Variants in HMGB1 observed in about 807,000 individuals in gnomAD.
The protein encoded by HMGB1 is high mobility group protein B1.
For synonymous variants in HMGB1, 81 were observed against 84.0 expected (o/e 0.96, Z 0.19); for missense variants, 79 against 253.5 (o/e 0.31, Z 4.67).
chr13:30,585,197 C>T (rs534739101), intron 1 of HMGB1, among the ~76,000 whole-genome samples: 9 of 151,720 alleles, frequency 5.9e-5, no homozygotes, highest in Non-Finnish European at 1.3e-4. Flanking sequence ...CCTGTAGTCC[C>T]AGCTACTCAG....
chr13:30,583,826 A>AC (rs1491194790), intron 1 of HMGB1, among the ~76,000 whole-genome samples: 24 of 79,280 alleles, frequency 3.0e-4, no homozygotes, highest in Non-Finnish European at 2.1e-4. Context: ...ACTCTGTCTC[A>AC]AAAAAAAAAA....
At chr13:30,565,911 C>A (rs1288500660) in intron 1 of HMGB1, among the ~76,000 whole-genome samples, 1 of 152,170 alleles carries the variant, frequency 6.6e-6, no homozygotes, top group Non-Finnish European at 1.5e-5. Flanking sequence ...TTTCCAGGAC[C>A]ACAACCCTTG....
intron 1 of HMGB1, among the ~76,000 whole-genome samples, chr13:30,544,575 A>T (rs1323686834): frequency 6.6e-6 from 1 of 152,154 alleles, no homozygotes; most frequent in Non-Finnish European, 1.5e-5. Flanking sequence ...ACAGCTGAAA[A>T]CGTGGAGGTT....
At chr13:30,492,881 C>T (rs923535425) in intron 1 of HMGB1, among the ~76,000 whole-genome samples, 3 of 150,774 alleles carry the variant, frequency 2.0e-5, no homozygotes, top group Middle Eastern at 3.4e-3. Flanking sequence ...GTCCCAGCTA[C>T]TCAGGAGCCT....
At chr13:30,600,518 C>T (rs1449621380) in intron 1 of HMGB1, among the ~76,000 whole-genome samples, 3 of 152,098 alleles carry the variant, frequency 2.0e-5, no homozygotes, top group African/African-American at 4.8e-5. Context: ...ATCAAGTATT[C>T]TGCTAGATAT....
chr13:30,522,449 C>T (rs1048553345), intron 1 of HMGB1, among the ~76,000 whole-genome samples: 6 of 151,990 alleles, frequency 3.9e-5, no homozygotes, highest in South Asian at 4.2e-4. Flanking sequence ...TTTACCCCTC[C>T]GGGCTGTTCC....
intron 1 of HMGB1, among the ~76,000 whole-genome samples, chr13:30,600,193 C>G (rs1225097640): frequency 6.6e-6 from 1 of 152,188 alleles, no homozygotes; most frequent in African/African-American, 2.4e-5. Context: ...CAATTTATTT[C>G]CCCTGAAAAT....
rs575127233 is a variant in HMGB1, at chr13:30,582,582, G to A, written c.-15+34089C>T. The stretch of plus-strand genomic sequence containing the variant: ...GAACCCGGGAGGTGGAGGTTGCAGT[G>A]AGCTGAGATCGTGCCACTGCACTCC... On this transcript the variant is annotated intron_variant, in intron 1 of 4. Coordinates refer to the HMGB1 transcript ENST00000405805. Among the ~76,000 whole-genome samples the A allele has an allele frequency of 2.6e-5, 4 of 151,974 alleles. No homozygotes were observed. The East Asian group carries it at 5.8e-4, about 22-fold the overall frequency.
At chr13:30,557,997 T>C (rs1869762261) in intron 1 of HMGB1, among the ~76,000 whole-genome samples, 1 of 152,152 alleles carries the variant, frequency 6.6e-6, no homozygotes. Context: ...GCATCTCTTG[T>C]GTATGCCTGA....
chr13:30,487,923 TA>T (rs1165832732), intron 1 of HMGB1, among the ~76,000 whole-genome samples: 5 of 152,034 alleles, frequency 3.3e-5, no homozygotes, highest in Non-Finnish European at 5.9e-5. Context: ...GGCATTGGTT[TA>T]AAAAAAATTC....
rs1313623772 is a variant in HMGB1, at chr13:30,457,330, C to T, written c.*4027G>A. The T allele has an allele frequency of 6.6e-6, 1 of 152,166 alleles. No homozygotes were observed. The highest frequency in any genetic ancestry group is 2.4e-5 in the African/African-American group (1 of 41,410). 9.4% of individuals were successfully genotyped at this position (152,166 alleles called of 1,614,324 possible). A position where few individuals can be genotyped will look rare whatever the true frequency, so the allele number is the denominator to read the frequency against. On this transcript the variant is annotated 3_prime_UTR_variant, in exon 5 of 5. Transcript: ENST00000341423. ...TTTCTGGATTCCAGAGTCTGCATACCCTTGCCCACCACTGCTCATGCTCAC... is the reference window on the plus strand; with the variant it reads ...TTTCTGGATTCCAGAGTCTGCATACTCTTGCCCACCACTGCTCATGCTCAC...
At chr13:30,547,786 A>G (rs1377693029) in intron 1 of HMGB1, among the ~76,000 whole-genome samples, 4 of 152,114 alleles carry the variant, frequency 2.6e-5, no homozygotes, top group East Asian at 1.9e-4. Flanking sequence ...GCGTGGTGGC[A>G]CACACTTGTG....
intron 1 of HMGB1, among the ~76,000 whole-genome samples, chr13:30,592,303 T>C (rs1871404891): frequency 6.6e-6 from 1 of 152,206 alleles, no homozygotes; most frequent in Non-Finnish European, 1.5e-5. Flanking sequence ...ATTTAGTTAC[T>C]GTATTAAGAA....
chr13:30,561,939 A>G (rs1380175872), intron 1 of HMGB1, among the ~76,000 whole-genome samples: 1 of 152,198 alleles, frequency 6.6e-6, no homozygotes, highest in Non-Finnish European at 1.5e-5. Context: ...CCAACTTCTG[A>G]GTGAATGTGG....
intron 1 of HMGB1, among the ~76,000 whole-genome samples, chr13:30,532,205 T>G (rs529077864): frequency 6.7e-6 from 1 of 150,192 alleles, no homozygotes; most frequent in East Asian, 2.0e-4. Flanking sequence ...CATGGTGGTG[T>G]GCACCTGTAA....
At chr13:30,613,300 G>A (rs1446621712) in intron 1 of HMGB1, among the ~76,000 whole-genome samples, 1 of 152,086 alleles carries the variant, frequency 6.6e-6, no homozygotes, top group Non-Finnish European at 1.5e-5. Context: ...TGGGATTAGA[G>A]GTGTGAGCCA....
chr13:30,575,606 C>T (rs542413845), intron 1 of HMGB1, among the ~76,000 whole-genome samples: 1 of 152,100 alleles, frequency 6.6e-6, no homozygotes, highest in South Asian at 2.1e-4. Context: ...GTAAAAGAAC[C>T]CACTCCTCTC....
chr13:30,498,626 AATTATT>A (rs71192659), intron 1 of HMGB1, among the ~76,000 whole-genome samples: 25,518 of 143,820 alleles, frequency 0.18, 2,600 homozygotes, highest in East Asian at 0.38. Context: ...GGAATCAGCA[AATTATT>A]ATTATTATTA....
At position 30,605,121 on chromosome 13, in the gene HMGB1, T is replaced by C. The variant is rs9506343; in HGVS notation, c.-15+11550A>G. The stretch of plus-strand genomic sequence containing the variant: ...AATGTGGAATAGCAGGTAAATAGCA[T>C]GTGCTTGCTTTGTTTGGGGCTGTGC... On this transcript the variant is annotated intron_variant, in intron 1 of 4. Transcript: ENST00000405805. Among the ~76,000 whole-genome samples the C allele has an allele frequency of 1.4e-3, 207 of 152,086 alleles. 1 individual carries two copies. The highest frequency in any genetic ancestry group is 3.4e-3 in the Admixed American group (52 of 15,292).
Sources: gnomAD v4.1 joint callset for allele counts (sites outside exome capture counted in the v4.1 genomes callset) on GRCh38, gnomAD v4.1.1 for gene constraint, MANE v1.5 for transcripts, NCBI Gene and HGNC (gene_info 2026-07-23, HGNC 2026-07-21) for gene names.